The following CAPRIN1 variants were observed in gnomAD, a reference collection of about 807,000 sequenced individuals.
CAPRIN1 encodes the protein cell cycle associated protein 1.
A neutral mutation model predicts 100.9 loss-of-function variants in CAPRIN1; 29 were observed. The ratio of observed to expected loss-of-function variants is 0.29; its 90% confidence interval spans 0.21 to 0.39. CAPRIN1 has a LOEUF of 0.39. CAPRIN1 is among the 10% of genes least tolerant of loss of function. The probability of loss-of-function intolerance (pLI) is 1.00; values close to 1 mark genes in which losing one functional copy is unlikely to be tolerated. For synonymous variants in CAPRIN1, 338 were observed against 307.5 expected (o/e 1.10, Z -1.04); for missense variants, 795 against 876.7 (o/e 0.91, Z 1.18).
chr11:34,082,690 G>T lies in CAPRIN1; in HGVS notation c.827-135G>T, dbSNP rs1015570100. On this transcript the variant is annotated intron_variant, in intron 7 of 18. Transcript: ENST00000341394. ...CCCAAAGTCCATAGTTTACATATGG[G>T]TTTACTCTTATTGTTAATAATTCTC... 24 of 671,450 alleles carry T rather than the reference G, an allele frequency of 3.6e-5. No homozygotes were observed. The East Asian group carries it at 5.7e-4, about 16-fold the overall frequency. The allele number at this position is 671,450 out of a possible 1,614,324, so 41.6% of individuals were successfully genotyped here.
intron 2 of CAPRIN1, among the ~76,000 whole-genome samples, chr11:34,067,054 T>C (rs1354398577): frequency 6.6e-6 from 1 of 151,782 alleles, no homozygotes; most frequent in Non-Finnish European, 1.5e-5. Context: ...CTCAGCCTCC[T>C]GAGTAGCTGG....
intron 4 of CAPRIN1, among the ~76,000 whole-genome samples, chr11:34,072,477 TTTTA>T (rs1398197335): frequency 1.3e-5 from 2 of 152,236 alleles, no homozygotes; most frequent in African/African-American, 2.4e-5. Flanking sequence ...CATAAATGTT[TTTTA>T]TTTATCATGT....
intron 7 of CAPRIN1, among the ~76,000 whole-genome samples, chr11:34,081,776 G>A (rs921903648): frequency 2.6e-5 from 4 of 152,098 alleles, no homozygotes; most frequent in African/African-American, 9.7e-5. Flanking sequence ...GAGATTATAG[G>A]CGTGAGCCAC....
chr11:34,060,763 C>T (rs201245148), intron 2 of CAPRIN1, among the ~76,000 whole-genome samples: 1 of 76,438 alleles, frequency 1.3e-5, no homozygotes, highest in Admixed American at 1.2e-4. Context: ...TTTTAGAAAA[C>T]GAAAAAGTAT....
intron 12 of CAPRIN1, 63 bp from the exon 13 acceptor site, chr11:34,090,115 CT>C: frequency 5.2e-6 from 5 of 970,566 alleles, no homozygotes; most frequent in Non-Finnish European, 8.1e-6. Flanking sequence ...TTAGAGGTAA[CT>C]TGTTTTTTTA....
At position 34,076,359 on chromosome 11, in the gene CAPRIN1, G is replaced by A. The variant is rs1407009763; in HGVS notation, c.490G>A (p.Val164Met). 1 of 1,609,992 alleles carries A rather than the reference G, an allele frequency of 6.2e-7. No individual in the cohort carries two copies. Among genetic ancestry groups the A allele is most frequent in the Non-Finnish European group, 8.5e-7 (1 of 1,176,326 alleles). The change falls in exon 5 of 19, where the codon GTG (valine) becomes ATG (methionine). Residue 164 changes from valine (V) to methionine (M), a missense_variant. By Grantham distance (21) the Val-to-Met change is conservative (BLOSUM62 1). Coordinates refer to ENST00000341394, the MANE Select transcript of CAPRIN1 (RefSeq NM_005898.5). ...YVLDKLGDDEVRTDLKQGLNG... is the reference protein window; with the variant it reads ...YVLDKLGDDEMRTDLKQGLNG... Reference sequence around the variant, plus strand: ...TTTGGACAAATTGGGAGATGATGAAGTGCGGACTGACCTGAAACAAGGTTT... The same window carrying A: ...TTTGGACAAATTGGGAGATGATGAAATGCGGACTGACCTGAAACAAGGTTT...
chr11:34,071,720 A>T lies in CAPRIN1; in HGVS notation c.217-6A>T, dbSNP rs1412216053. On this transcript the variant is annotated splice_polypyrimidine_tract_variant and splice_region_variant and intron_variant, in intron 2 of 18. Transcript: ENST00000341394. ...GAATGTAATTCTTTTTTTTCTTTTA[A>T]CATAGGGTAAGCTTGATGATTACCA... 8.7e-6 allele frequency: 14 copies of T among 1,604,934 alleles called. No individual in the cohort carries two copies. The highest frequency in any genetic ancestry group is 1.7e-5 in the Admixed American group (1 of 59,762).
At chr11:34,092,085 T>C in intron 15 of CAPRIN1, 29 bp downstream of exon 15, 3 of 1,607,192 alleles carry the variant, frequency 1.9e-6, no homozygotes, top group Admixed American at 3.4e-5. Context: ...CCTCATTGGC[T>C]CCTTGCTTTC....
chr11:34,089,433 C>G lies in CAPRIN1; in HGVS notation c.1270C>G (p.Pro424Ala). Residue 424 changes from proline (P) to alanine (A), a missense_variant, in exon 12 of 19, where the codon CCT becomes GCT. Coordinates refer to ENST00000341394, the MANE Select transcript of CAPRIN1 (RefSeq NM_005898.5). ...ESRLAQPNQV[P>A]VQPEATQVPL... ...TAGACTTGCTCAGCCTAATCAAGTT[C>G]CTGTACAACCAGAAGCGACACAGGT... 6.2e-7 allele frequency: 1 copy of G among 1,607,680 alleles called. No homozygotes were observed. Among genetic ancestry groups the G allele is most frequent in the Non-Finnish European group, 8.5e-7 (1 of 1,175,330 alleles).
At chr11:34,080,544 G>C (rs747255976) in intron 7 of CAPRIN1, among the ~76,000 whole-genome samples, 2 of 152,090 alleles carry the variant, frequency 1.3e-5, no homozygotes, top group African/African-American at 4.8e-5. Flanking sequence ...CCAAGGCAAG[G>C]GGTCTTTTCC....
chr11:34,068,989 AAC>A (rs923490082), intron 2 of CAPRIN1, among the ~76,000 whole-genome samples: 3 of 152,162 alleles, frequency 2.0e-5, no homozygotes, highest in African/African-American at 4.8e-5. Context: ...ATAAGTTAAT[AAC>A]AGTGTTTCTT....
chr11:34,085,997 T>TGATGG, intron 9 of CAPRIN1, 67 bp from the exon 10 acceptor site: 1 of 1,351,546 alleles, frequency 7.4e-7, no homozygotes, highest in Non-Finnish European at 1.0e-6. Context: ...GGGGGACCCA[T>TGATGG]CATGGTGGTA....
At chr11:34,064,954 GTTTTTTTTT>G (rs10551006) in intron 2 of CAPRIN1, among the ~76,000 whole-genome samples, 3 of 63,140 alleles carry the variant, frequency 4.8e-5, no homozygotes, top group African/African-American at 1.8e-4. Flanking sequence ...CTGTATAATG[GTTTTTTTTT>G]TTTTTTTTTT....
chr11:34,099,280 C>T lies in CAPRIN1; in HGVS notation c.2066-23C>T, dbSNP rs547621394. Reference sequence around the variant, plus strand: ...AACAAATAATATTTGAAAGAAAAATCAAATGCCATTTTTGTCTTCTAGGTC... The same window carrying T: ...AACAAATAATATTTGAAAGAAAAATTAAATGCCATTTTTGTCTTCTAGGTC... On this transcript the variant is annotated intron_variant, in intron 18 of 18. Transcript: ENST00000341394. 4.3e-6 allele frequency: 7 copies of T among 1,612,210 alleles called. No homozygotes were observed. The South Asian group carries it at 7.7e-5, about 18-fold the overall frequency.
Position 34,087,566 on chromosome 11 carries a change from C to T in CAPRIN1, c.1231+1153C>T, listed in dbSNP as rs189382630. On this transcript the variant is annotated intron_variant, in intron 11 of 18. Coordinates refer to ENST00000341394, the MANE Select transcript of CAPRIN1 (RefSeq NM_005898.5). ...GCCGGGATGGTCTCGATCTCCTGAC[C>T]TCGTGATCCGCCCGCCTCGGCCTCC... Among the ~76,000 whole-genome samples, 961 of 123,024 alleles carry T rather than the reference C, an allele frequency of 7.8e-3. 115 individuals carry two copies. Among genetic ancestry groups the T allele is most frequent in the African/African-American group, 0.031 (929 of 30,094 alleles). The allele number at this position is 123,024 out of a possible 152,430, so 80.7% of individuals were successfully genotyped here. A position where few individuals can be genotyped will look rare whatever the true frequency, so the allele number is the denominator to read the frequency against.
At chr11:34,082,706 A>G (rs1851057452) in intron 7 of CAPRIN1, 119 bp from the exon 8 acceptor site, 3 of 712,672 alleles carry the variant, frequency 4.2e-6, no homozygotes, top group South Asian at 1.7e-5. Flanking sequence ...TCTTATTGTT[A>G]ATAATTCTCT....
At chr11:34,074,205 T>TA (rs1554969820) in intron 4 of CAPRIN1, among the ~76,000 whole-genome samples, 1 of 152,228 alleles carries the variant, frequency 6.6e-6, no homozygotes, top group Non-Finnish European at 1.5e-5. Context: ...CTTGCTTTTT[T>TA]AAAATAGAAG....
At chr11:34,092,136 G>A in intron 15 of CAPRIN1, 80 bp downstream of exon 15, 1 of 1,378,384 alleles carries the variant, frequency 7.3e-7, no homozygotes, top group African/African-American at 1.5e-5. Context: ...TTAGACTTCA[G>A]AGTGGTGGTG....
At position 34,052,621 on chromosome 11, in the gene CAPRIN1, C is replaced by T. The variant is rs748412039; in HGVS notation, c.201C>T (p.Asn67=). The T allele has an allele frequency of 3.1e-6, 5 of 1,609,196 alleles. No homozygotes were observed. The highest frequency in any genetic ancestry group is 2.2e-5 in the East Asian group (1 of 44,782). ...GGGTGATCGACAAGAAACTTCGGAACCTGGAGAAGAAAAAGGTGCCAGGAG... is the reference window on the plus strand; with the variant it reads ...GGGTGATCGACAAGAAACTTCGGAATCTGGAGAAGAAAAAGGTGCCAGGAG... ...ILGVIDKKLR[N]LEKKKGKLDD... The change falls in exon 2 of 19, where the codon AAC becomes AAT. Residue 67 remains asparagine (N), a synonymous_variant. Transcript: ENST00000341394.
Sources: gnomAD v4.1 joint callset for allele counts (sites outside exome capture counted in the v4.1 genomes callset) on GRCh38, gnomAD v4.1.1 for gene constraint, MANE v1.5 for transcripts, NCBI Gene and HGNC (gene_info 2026-07-23, HGNC 2026-07-21) for gene names.